The following IQCK variants were observed in gnomAD, a reference collection of about 807,000 sequenced individuals.
The protein encoded by IQCK is IQ domain-containing protein K.
A neutral mutation model predicts 28.1 loss-of-function variants in IQCK; 29 were observed. That is an observed-to-expected ratio of 1.03 (90% CI 0.77 to 1.41). The LOEUF (loss-of-function observed/expected upper bound fraction) is 1.41. Among genes scored for constraint, IQCK ranks in the 40% most tolerant of loss-of-function variants. The pLI is 0.00. For synonymous variants in IQCK, 113 were observed against 115.1 expected (o/e 0.98, Z 0.12); for missense variants, 359 against 314.7 (o/e 1.14, Z -1.07).
intron 4 of IQCK, among the ~76,000 whole-genome samples, chr16:19,742,074 A>G (rs2054843924): frequency 1.3e-5 from 2 of 152,194 alleles, no homozygotes; most frequent in Admixed American, 1.3e-4. Context: ...AAATCCTGCT[A>G]GACTGCTTCC....
chr16:19,849,529 A>G (rs1002724734), intron 9 of IQCK, among the ~76,000 whole-genome samples: 1 of 152,052 alleles, frequency 6.6e-6, no homozygotes, highest in Non-Finnish European at 1.5e-5. Context: ...TGGGAGGCCA[A>G]GACAGTAGGA....
chr16:19,737,786 C>T (rs761382327), intron 4 of IQCK, among the ~76,000 whole-genome samples: 1 of 152,052 alleles, frequency 6.6e-6, no homozygotes, highest in African/African-American at 2.4e-5. Flanking sequence ...CAGAACCACT[C>T]GAAGTTCGCT....
At chr16:19,736,020 C>T (rs1978002765) in intron 4 of IQCK, 1 of 434,590 alleles carries the variant, frequency 2.3e-6, no homozygotes, top group Non-Finnish European at 4.6e-6. Flanking sequence ...GATCCATGAT[C>T]ACGTCACTGC....
chr16:19,753,461 C>G (rs1210225457), intron 4 of IQCK, among the ~76,000 whole-genome samples: 2 of 152,088 alleles, frequency 1.3e-5, no homozygotes, highest in Admixed American at 1.3e-4. Context: ...AACATACCTG[C>G]TTTGGAATAG....
At chr16:19,729,022 A>C (rs1394043309) in intron 1 of IQCK, among the ~76,000 whole-genome samples, 3 of 152,376 alleles carry the variant, frequency 2.0e-5, no homozygotes, top group Non-Finnish European at 2.9e-5. Flanking sequence ...CCTTTCCAGA[A>C]ATATTTTTAC....
At chr16:19,775,184 G>A (rs190654570) in intron 6 of IQCK, among the ~76,000 whole-genome samples, 131 of 149,040 alleles carry the variant, frequency 8.8e-4, no homozygotes, top group Middle Eastern at 3.5e-3. Context: ...CCGAGATTGC[G>A]CCACTGTACT....
At chr16:19,768,768 CAA>C (rs1567550052) in intron 6 of IQCK, among the ~76,000 whole-genome samples, 1 of 152,026 alleles carries the variant, frequency 6.6e-6, no homozygotes, top group Non-Finnish European at 1.5e-5. Context: ...AACAAACAAA[CAA>C]AAATATATCT....
At chr16:19,733,620 C>G (rs999353741) in intron 2 of IQCK, 78 bp from the exon 3 acceptor site, 128 of 1,520,704 alleles carry the variant, frequency 8.4e-5, no homozygotes, top group Non-Finnish European at 1.1e-4. Context: ...AATTTTATTC[C>G]TTCATAAGGT....
chr16:19,847,667 C>A lies in IQCK; in HGVS notation c.803-8820C>A, dbSNP rs146235424. Among the ~76,000 whole-genome samples the A allele has an allele frequency of 5.0e-3, 768 of 152,270 alleles. 12 individuals carry two copies. Among genetic ancestry groups the A allele is most frequent in the Non-Finnish European group, 5.7e-3 (389 of 68,014 alleles). On this transcript the variant is annotated intron_variant, in intron 9 of 9. Coordinates refer to the IQCK transcript ENST00000320394. ...TGTTGAGGGGTAGCACTCAGTTGAT[C>A]TTGTATTGTCGTGTTGCTGTTGTAG...
At chr16:19,748,008 A>G (rs536050184) in intron 4 of IQCK, among the ~76,000 whole-genome samples, 75 of 152,102 alleles carry the variant, frequency 4.9e-4, no homozygotes, top group African/African-American at 1.7e-3. Flanking sequence ...TGACTTCAGG[A>G]AAGATTAAAT....
chr16:19,774,179 G>A lies in IQCK; in HGVS notation c.605+10067G>A, dbSNP rs144961223. Among the ~76,000 whole-genome samples the A allele has an allele frequency of 5.0e-3, 758 of 152,198 alleles. 5 individuals carry two copies. The highest frequency in any genetic ancestry group is 0.018 in the African/African-American group (737 of 41,540). Reference sequence around the variant, plus strand: ...GGAAGCACTAGAATCACACCTCTGCGTTCTAAACCCAGCTCCACCACTTCC... The same window carrying A: ...GGAAGCACTAGAATCACACCTCTGCATTCTAAACCCAGCTCCACCACTTCC... On this transcript the variant is annotated intron_variant, in intron 6 of 7. Coordinates refer to ENST00000564186, the Ensembl canonical transcript of IQCK.
At chr16:19,777,499 A>G (rs1462136208) in intron 6 of IQCK, among the ~76,000 whole-genome samples, 1 of 152,216 alleles carries the variant, frequency 6.6e-6, no homozygotes, top group African/African-American at 2.4e-5. Flanking sequence ...ATAGAAGAGT[A>G]GATTTCTTCT....
intron 9 of IQCK, among the ~76,000 whole-genome samples, chr16:19,844,662 C>T (rs945352740): frequency 3.3e-5 from 5 of 152,194 alleles, no homozygotes; most frequent in South Asian, 4.2e-4. Context: ...TTCAGTGGAC[C>T]GGGGGCTTCC....
intron 1 of IQCK, among the ~76,000 whole-genome samples, chr16:19,730,149 T>A (rs929513484): frequency 3.9e-5 from 6 of 151,998 alleles, no homozygotes; most frequent in Non-Finnish European, 8.8e-5. Flanking sequence ...AAAGACAGGG[T>A]TTCACCAGGT....
At chr16:19,849,093 C>T (rs1358384997) in intron 9 of IQCK, among the ~76,000 whole-genome samples, 1 of 152,022 alleles carries the variant, frequency 6.6e-6, no homozygotes, top group African/African-American at 2.4e-5. Context: ...TGCAGCAATA[C>T]TGTTTAGGTG....
chr16:19,777,160 G>A (rs754073354), intron 6 of IQCK, among the ~76,000 whole-genome samples: 3 of 151,996 alleles, frequency 2.0e-5, no homozygotes, highest in African/African-American at 4.8e-5. Context: ...TGGGTGAAAT[G>A]TCTTTTCAGC....
chr16:19,754,857 G>A (rs1325402683), intron 4 of IQCK, among the ~76,000 whole-genome samples: 4 of 152,128 alleles, frequency 2.6e-5, no homozygotes, highest in Non-Finnish European at 4.4e-5. Flanking sequence ...ATAGATTCTG[G>A]CAGGAAAGGT....
downstream of IQCK, among the ~76,000 whole-genome samples, chr16:19,828,912 ATT>A (rs990004448): frequency 7.0e-6 from 1 of 143,404 alleles, no homozygotes; most frequent in African/African-American, 2.5e-5. Context: ...ATTTTTATAT[ATT>A]TTTATATATA....
chr16:19,753,281 G>A (rs1327539266), intron 4 of IQCK, among the ~76,000 whole-genome samples: 1 of 151,776 alleles, frequency 6.6e-6, no homozygotes, highest in Non-Finnish European at 1.5e-5. Flanking sequence ...AATTACCTGA[G>A]CATTACAGGT....
Sources: allele counts gnomAD v4.1 joint callset (sites outside exome capture counted in the v4.1 genomes callset), GRCh38; gene constraint gnomAD v4.1.1; transcripts MANE v1.5; gene names NCBI Gene and HGNC (gene_info 2026-07-23, HGNC 2026-07-21).